Variants in ANKRD30BL observed in about 807,000 individuals in gnomAD.
ANKRD30BL encodes the protein ankyrin repeat domain 30B like.
A neutral mutation model predicts 18.4 loss-of-function variants in ANKRD30BL; 20 were observed. That is an observed-to-expected ratio of 1.09 (90% confidence interval 0.77 to 1.58). The LOEUF (loss-of-function observed/expected upper bound fraction) is 1.58, where lower values mean the gene tolerates loss of function less well. Ranked by LOEUF, ANKRD30BL falls within the 40% of genes most tolerant of loss-of-function variation. The probability of loss-of-function intolerance (pLI) is 0.00; values close to 1 mark genes in which losing one functional copy is unlikely to be tolerated. For missense variants in ANKRD30BL, 224 were observed against 268.6 expected (o/e 0.83, Z 1.16); for synonymous variants, 72 against 100.9 (o/e 0.71, Z 1.72).
intron 1 of ANKRD30BL, among the ~76,000 whole-genome samples, chr2:132,157,938 G>A (rs1395335881): frequency 6.6e-6 from 1 of 152,136 alleles, no homozygotes; most frequent in Non-Finnish European, 1.5e-5. Flanking sequence ...AAAGGTTAGA[G>A]ATAAAGCTAT....
chr2:132,186,448 A>C (rs1345196234), intron 1 of ANKRD30BL, among the ~76,000 whole-genome samples: 1 of 152,226 alleles, frequency 6.6e-6, no homozygotes, highest in Non-Finnish European at 1.5e-5. Flanking sequence ...TTCTGCATGA[A>C]TGTCTAGGCT....
chr2:132,169,569 C>A (rs1329297772), intron 1 of ANKRD30BL, among the ~76,000 whole-genome samples: 1 of 150,568 alleles, frequency 6.6e-6, no homozygotes, highest in Non-Finnish European at 1.5e-5. Context: ...ATCACTTGAA[C>A]CCAGGAGGCA....
chr2:132,177,503 C>T (rs1266309207), intron 1 of ANKRD30BL, among the ~76,000 whole-genome samples: 2 of 152,170 alleles, frequency 1.3e-5, no homozygotes, highest in African/African-American at 4.8e-5. Context: ...AGAGAAACTA[C>T]AGGATTTTGT....
intron 1 of ANKRD30BL, among the ~76,000 whole-genome samples, chr2:132,158,865 CT>C (rs1687981597): frequency 6.6e-6 from 1 of 151,420 alleles, no homozygotes; most frequent in Admixed American, 6.6e-5. Flanking sequence ...AAAAGATTGT[CT>C]TTTGAAGATG....
intron 1 of ANKRD30BL, among the ~76,000 whole-genome samples, chr2:132,247,584 T>A (rs201149640): frequency 6.8e-6 from 1 of 148,126 alleles, no homozygotes; most frequent in Non-Finnish European, 1.5e-5. Context: ...TTTTATGTGA[T>A]GATATTTCTT....
At chr2:132,149,900 C>T (rs531942059) in intron 5 of ANKRD30BL, among the ~76,000 whole-genome samples, 13 of 152,202 alleles carry the variant, frequency 8.5e-5, no homozygotes, top group African/African-American at 1.9e-4. Context: ...TTCTCCAGCT[C>T]ACTTTATTCT....
rs544451759 is a variant in ANKRD30BL, at chr2:132,242,236, C to T, written n.441+15293G>A. ...CAGACTGAAGCATTCTCAGAAACTACTTTGTGAGGTTTGCATTCAACTCTC... is the reference window on the plus strand; with the variant it reads ...CAGACTGAAGCATTCTCAGAAACTATTTTGTGAGGTTTGCATTCAACTCTC... On this transcript the variant is annotated intron_variant and non_coding_transcript_variant, in intron 1 of 4. Transcript: ENST00000470729. Among the ~76,000 whole-genome samples the T allele has an allele frequency of 1.3e-3, 202 of 151,722 alleles. 1 individual carries two copies. The highest frequency in any genetic ancestry group is 4.6e-3 in the African/African-American group (189 of 41,482).
intron 1 of ANKRD30BL, among the ~76,000 whole-genome samples, chr2:132,245,117 C>T (rs576841324): frequency 6.6e-6 from 1 of 152,286 alleles, no homozygotes; most frequent in African/African-American, 2.4e-5. Context: ...TAAAACTAGA[C>T]AGAAGCATTC....
intron 1 of ANKRD30BL, among the ~76,000 whole-genome samples, chr2:132,225,181 C>T (rs567555412): frequency 2.5e-4 from 38 of 150,092 alleles, no homozygotes; most frequent in Middle Eastern, 3.6e-3. Context: ...AAGCTTTCTC[C>T]GAAACTTCTT....
intron 1 of ANKRD30BL, among the ~76,000 whole-genome samples, chr2:132,183,508 G>A (rs927996615): frequency 9.9e-5 from 15 of 152,096 alleles, no homozygotes; most frequent in Non-Finnish European, 1.9e-4. Flanking sequence ...TAAGAGGAGT[G>A]CCAAGTTACC....
chr2:132,159,215 C>T (rs1018663379), intron 1 of ANKRD30BL, among the ~76,000 whole-genome samples: 4 of 152,116 alleles, frequency 2.6e-5, no homozygotes, highest in Non-Finnish European at 4.4e-5. Flanking sequence ...TCACCTATTT[C>T]TCTACATATT....
At chr2:132,194,201 TAACCTTCCTTTTCTAAGG>T (rs1678918840) in intron 1 of ANKRD30BL, among the ~76,000 whole-genome samples, 1 of 152,160 alleles carries the variant, frequency 6.6e-6, no homozygotes, top group Non-Finnish European at 1.5e-5. Flanking sequence ...TTGGTCTCAT[TAACCTTCCTTTTCTAAGG>T]TTCCCCTTGG....
At chr2:132,198,263 C>CTTTCT (rs1225668809) in intron 1 of ANKRD30BL, among the ~76,000 whole-genome samples, 14 of 132,158 alleles carry the variant, frequency 1.1e-4, no homozygotes, top group African/African-American at 4.8e-4. Context: ...TACCTTCTTT[C>CTTTCT]TTTCTTTTCT....
At chr2:132,165,753 T>A (rs1688177719), upstream of ANKRD30BL, among the ~76,000 whole-genome samples, 1 of 149,924 alleles carries the variant, frequency 6.7e-6, no homozygotes, top group African/African-American at 2.5e-5. Flanking sequence ...AATTGCTATA[T>A]TATATGTAAG....
Position 132,148,106 on chromosome 2 carries a change from T to A in ANKRD30BL, c.*25A>T. On this transcript the variant is annotated 3_prime_UTR_variant, in exon 6 of 6. Coordinates refer to ENST00000409867, the MANE Select transcript of ANKRD30BL (RefSeq NM_001358416.1). ...TTTAAAGGATGTTTACAGGCTAAAATCTTTGAAGAGGAATTCACTGTATCC... is the reference window on the plus strand; with the variant it reads ...TTTAAAGGATGTTTACAGGCTAAAAACTTTGAAGAGGAATTCACTGTATCC... 2.0e-6 allele frequency: 3 copies of A among 1,536,482 alleles called. No individual in the cohort carries two copies. The South Asian group carries it at 3.5e-5, about 18-fold the overall frequency.
intron 1 of ANKRD30BL, among the ~76,000 whole-genome samples, chr2:132,234,857 A>T (rs1310828896): frequency 6.6e-6 from 1 of 152,210 alleles, no homozygotes; most frequent in Non-Finnish European, 1.5e-5. Flanking sequence ...TCATTCTGAT[A>T]CCAAAGCCAG....
intron 3 of ANKRD30BL, 173 bp from the exon 4 acceptor site, chr2:132,154,941 T>A: frequency 4.3e-6 from 2 of 464,300 alleles, no homozygotes; most frequent in Non-Finnish European, 7.8e-6. Flanking sequence ...TTGTAAACAT[T>A]CAGCCTCTGC....
At chr2:132,224,678 C>G (rs1259519469) in intron 1 of ANKRD30BL, among the ~76,000 whole-genome samples, 1 of 151,848 alleles carries the variant, frequency 6.6e-6, no homozygotes, top group African/African-American at 2.4e-5. Context: ...CTCTCAGAAA[C>G]TTCTTTTTGG....
At chr2:132,249,191 G>C (rs963153988) in intron 1 of ANKRD30BL, among the ~76,000 whole-genome samples, 1 of 151,062 alleles carries the variant, frequency 6.6e-6, no homozygotes, top group African/African-American at 2.4e-5. Flanking sequence ...TCTACAAAAA[G>C]ACTGTTTCCA....
Sources: allele counts gnomAD v4.1 joint callset (sites outside exome capture counted in the v4.1 genomes callset), GRCh38; gene constraint gnomAD v4.1.1; transcripts MANE v1.5; gene names NCBI Gene and HGNC (gene_info 2026-07-23, HGNC 2026-07-21).